Variants in EMSY observed in about 807,000 individuals in gnomAD.
The protein encoded by EMSY is EMSY transcriptional repressor, BRCA2 interacting.
Under a neutral mutation model 134.6 loss-of-function variants are expected in EMSY, and 26 were observed. That is an observed-to-expected ratio of 0.19 (90% CI 0.14 to 0.27). EMSY has a LOEUF of 0.27. EMSY is among the 10% of genes least tolerant of loss of function. The probability of loss-of-function intolerance (pLI) is 1.00; values close to 1 mark genes in which losing one functional copy is unlikely to be tolerated. For synonymous variants in EMSY, 579 were observed against 577.8 expected, an observed-to-expected ratio of 1.00 and a Z score of -0.03; for missense variants, 1,305 against 1,611.4, an observed-to-expected ratio of 0.81 and a Z score of 3.26.
At chr11:76,502,508 A>G (rs1949911756) in intron 9 of EMSY, among the ~76,000 whole-genome samples, 1 of 149,936 alleles carries the variant, frequency 6.7e-6, no homozygotes, top group Non-Finnish European at 1.5e-5. Flanking sequence ...CTATTTGCAG[A>G]TCACATGATC....
chr11:76,506,949 T>C (rs1950102499), intron 9 of EMSY, among the ~76,000 whole-genome samples: 1 of 152,178 alleles, frequency 6.6e-6, no homozygotes, highest in Admixed American at 6.5e-5. Context: ...TTACAGGGGA[T>C]TCATTACATA....
chr11:76,493,532 A>G (rs536768292), intron 8 of EMSY, among the ~76,000 whole-genome samples: 394 of 152,124 alleles, frequency 2.6e-3, no homozygotes, highest in African/African-American at 9.1e-3. Flanking sequence ...CCGCCCATGG[A>G]CCAATTAGCA....
At chr11:76,486,720 A>G (rs1949197813) in intron 8 of EMSY, among the ~76,000 whole-genome samples, 1 of 152,208 alleles carries the variant, frequency 6.6e-6, no homozygotes, top group African/African-American at 2.4e-5. Flanking sequence ...TGGATATTTA[A>G]GAAGTTTTTA....
chr11:76,452,513 G>A lies in EMSY; in HGVS notation c.170+556G>A, dbSNP rs373223085. Among the ~76,000 whole-genome samples, 4 of 152,200 alleles carry A rather than the reference G, an allele frequency of 2.6e-5. No homozygotes were observed. The South Asian group carries it at 8.3e-4, about 32-fold the overall frequency. On this transcript the variant is annotated intron_variant, in intron 3 of 20. Coordinates refer to ENST00000334736, the Ensembl canonical transcript of EMSY. The stretch of plus-strand genomic sequence containing the variant: ...CATAGTTAACAATTTGTATTTGTTT[G>A]TTGTTTATATTTCTCATAAATTCTG...
At chr11:76,541,700 G>A (rs1009550320) in intron 17 of EMSY, among the ~76,000 whole-genome samples, 2 of 152,210 alleles carry the variant, frequency 1.3e-5, no homozygotes, top group African/African-American at 4.8e-5. Context: ...CTGTAAGGTT[G>A]TGAGACAGAA....
At chr11:76,523,783 G>A (rs1354095455) in intron 12 of EMSY, among the ~76,000 whole-genome samples, 1 of 136,760 alleles carries the variant, frequency 7.3e-6, no homozygotes, top group African/African-American at 2.8e-5. Context: ...GGTGGCACAT[G>A]TCTGTAATCC....
chr11:76,544,783 G>T (rs781205687), exon 19 of EMSY: 2 of 1,614,042 alleles, frequency 1.2e-6, no homozygotes, highest in Non-Finnish European at 1.7e-6. Flanking sequence ...AGAGCCAAAT[G>T]TCGCTCCCAG....
intron 17 of EMSY, 31 bp downstream of exon 18, chr11:76,539,671 C>T: frequency 6.2e-7 from 1 of 1,604,312 alleles, no homozygotes; most frequent in South Asian, 1.1e-5. Flanking sequence ...TGTAGTATCA[C>T]TGAAGGTAAA....
At chr11:76,505,353 G>A (rs1004206600) in intron 9 of EMSY, among the ~76,000 whole-genome samples, 5 of 136,558 alleles carry the variant, frequency 3.7e-5, no homozygotes, top group African/African-American at 5.2e-5. Context: ...GCACCATCAC[G>A]CCCGGCTAAT....
At chr11:76,463,395 G>A (rs1313193539) in intron 6 of EMSY, among the ~76,000 whole-genome samples, 7 of 150,858 alleles carry the variant, frequency 4.6e-5, no homozygotes, top group Non-Finnish European at 7.4e-5. Context: ...AGGCCGAGGC[G>A]GGTGGATCAT....
chr11:76,466,465 G>T (rs1948355456), intron 7 of EMSY, among the ~76,000 whole-genome samples: 1 of 151,582 alleles, frequency 6.6e-6, no homozygotes. Flanking sequence ...GACCTTATAG[G>T]TTTATGTGCC....
intron 8 of EMSY, among the ~76,000 whole-genome samples, chr11:76,494,637 CTCCTT>C (rs1290492603): frequency 1.4e-5 from 2 of 142,448 alleles, no homozygotes; most frequent in African/African-American, 5.1e-5. Context: ...CTGCCTTCCT[CTCCTT>C]TCCTTTCCCT....
intron 9 of EMSY, among the ~76,000 whole-genome samples, chr11:76,507,010 A>G (rs1260477429): frequency 6.6e-6 from 1 of 152,256 alleles, no homozygotes; most frequent in African/African-American, 2.4e-5. Flanking sequence ...GTTCCAGACC[A>G]CTGAAATAAA....
Position 76,447,693 on chromosome 11 carries a change from G to C in EMSY, c.70+685G>C, listed in dbSNP as rs112506395. 1.0e-3 allele frequency among the ~76,000 whole-genome samples: 158 copies of C among 152,246 alleles called. 1 individual carries two copies. The highest frequency in any genetic ancestry group is 3.7e-3 in the African/African-American group (154 of 41,520). On this transcript the variant is annotated intron_variant, in intron 2 of 20. Transcript: ENST00000334736. Reference sequence around the variant, plus strand: ...GTATGTAAAGAACTAACTTCGCCCTGTGCATCTAGAGTGCTATTAGTTATT... The same window carrying C: ...GTATGTAAAGAACTAACTTCGCCCTCTGCATCTAGAGTGCTATTAGTTATT...
chr11:76,477,347 A>G (rs550106112), intron 8 of EMSY, among the ~76,000 whole-genome samples: 39 of 148,978 alleles, frequency 2.6e-4, no homozygotes, highest in Middle Eastern at 3.5e-3. Context: ...ATTTATAATT[A>G]TATAACATAT....
intron 2 of EMSY, among the ~76,000 whole-genome samples, chr11:76,451,610 A>G (rs1200222726): frequency 2.0e-5 from 3 of 152,238 alleles, no homozygotes; most frequent in Admixed American, 6.5e-5. Flanking sequence ...TGTGTGAAAC[A>G]AAATATCTAC....
At chr11:76,511,482 G>A (rs1950274020) in intron 9 of EMSY, among the ~76,000 whole-genome samples, 2 of 152,104 alleles carry the variant, frequency 1.3e-5, no homozygotes, top group South Asian at 2.1e-4. Flanking sequence ...TGGGTCCCTT[G>A]AGGTCAGGAG....
At chr11:76,494,021 T>G (rs564683505) in intron 8 of EMSY, among the ~76,000 whole-genome samples, 13 of 152,334 alleles carry the variant, frequency 8.5e-5, no homozygotes, top group Admixed American at 4.6e-4. Context: ...CGCCACTGTG[T>G]TCTCGTTCAG....
At chr11:76,531,654 C>A (rs1951044620) in intron 14 of EMSY, among the ~76,000 whole-genome samples, 1 of 152,152 alleles carries the variant, frequency 6.6e-6, no homozygotes, top group Non-Finnish European at 1.5e-5. Flanking sequence ...GTTTCCCTTT[C>A]AGATTAATTG....
Sources: allele counts gnomAD v4.1 joint callset (sites outside exome capture counted in the v4.1 genomes callset), GRCh38; gene constraint gnomAD v4.1.1; transcripts MANE v1.5; gene names NCBI Gene and HGNC (gene_info 2026-07-23, HGNC 2026-07-21).